The following MPP7 variants were observed in gnomAD, a reference collection of about 807,000 sequenced individuals.
MPP7 encodes MAGUK p55 subfamily member 7.
In MPP7, 60 loss-of-function variants were observed where a neutral mutation model predicts 76.5. The ratio of observed to expected loss-of-function variants is 0.78; its 90% confidence interval spans 0.64 to 0.97. MPP7 has a LOEUF of 0.97. Among genes scored for constraint, MPP7 ranks in the 50% least tolerant of loss-of-function variants. MPP7 has a pLI of 0.00. For missense variants in MPP7, 641 were observed against 694.0 expected (o/e 0.92, Z 0.86); for synonymous variants, 237 against 244.5 (o/e 0.97, Z 0.29).
rs775763967 is a variant in MPP7 at position 28,095,222 on chromosome 10, T to TATATATAC, written c.953-5382_953-5381insGTATATAT. Among the ~76,000 whole-genome samples the TATATATAC allele has an allele frequency of 2.2e-3, 298 of 136,688 alleles. 2 individuals carry two copies. The highest frequency in any genetic ancestry group is 5.4e-3 in the South Asian group (23 of 4,242). 89.7% of individuals were successfully genotyped at this position (136,688 alleles called of 152,430 possible). A position where few individuals can be genotyped will look rare whatever the true frequency, so the allele number is the denominator to read the frequency against. ...ATATATATATATATATATATATATA[T>TATATATAC]ACAGAAACATATATACATGTACAGA... On this transcript the variant is annotated intron_variant, in intron 11 of 16. Transcript: ENST00000683449.
chr10:28,202,352 T>C, intron 2 of MPP7, 81 bp from the exon 3 acceptor site: 1 of 886,014 alleles, frequency 1.1e-6, no homozygotes, highest in Non-Finnish European at 1.8e-6. Flanking sequence ...AAATGACAGC[T>C]GGAACATGCC....
chr10:28,208,068 G>T (rs1838005801), intron 2 of MPP7, among the ~76,000 whole-genome samples: 1 of 152,106 alleles, frequency 6.6e-6, no homozygotes, highest in Non-Finnish European at 1.5e-5. Flanking sequence ...GAATACCTAG[G>T]ACTGAAGGAG....
intron 1 of MPP7, among the ~76,000 whole-genome samples, chr10:28,259,028 G>A (rs938951492): frequency 6.6e-6 from 1 of 152,052 alleles, no homozygotes; most frequent in Admixed American, 6.6e-5. Context: ...CAAACTTACA[G>A]GTGAAACTGC....
At chr10:28,173,059 T>G (rs932803420) in intron 3 of MPP7, among the ~76,000 whole-genome samples, 5 of 152,024 alleles carry the variant, frequency 3.3e-5, no homozygotes, top group African/African-American at 1.2e-4. Flanking sequence ...GATCGACTTT[T>G]AAATAAAATA....
intron 1 of MPP7, among the ~76,000 whole-genome samples, chr10:28,254,616 C>T (rs536913937): frequency 6.6e-6 from 1 of 152,230 alleles, no homozygotes; most frequent in African/African-American, 2.4e-5. Flanking sequence ...GAATTATCTT[C>T]GGTGTAAGTT....
intron 1 of MPP7, among the ~76,000 whole-genome samples, chr10:28,271,663 C>G (rs551950905): frequency 1.1e-4 from 17 of 152,200 alleles, no homozygotes; most frequent in Admixed American, 9.8e-4. Flanking sequence ...CCTTAACATG[C>G]AGTCTAAGGG....
intron 3 of MPP7, among the ~76,000 whole-genome samples, chr10:28,158,977 G>A (rs1027153661): frequency 6.6e-5 from 10 of 152,196 alleles, no homozygotes; most frequent in Admixed American, 4.6e-4. Flanking sequence ...GGTAAAAGGA[G>A]AACACACTAT....
At chr10:28,282,055 A>G (rs1840690431) in intron 1 of MPP7, 1 of 152,064 alleles carries the variant, frequency 6.6e-6, no homozygotes. Flanking sequence ...GAGAAGCTAA[A>G]TTTTGTTCAA....
intron 3 of MPP7, among the ~76,000 whole-genome samples, chr10:28,176,372 A>AAACAC (rs1463367352): frequency 6.6e-6 from 1 of 151,326 alleles, no homozygotes; most frequent in Non-Finnish European, 1.5e-5. Context: ...AAACAAAACA[A>AAACAC]AACACAGGAG....
rs559629613 is a variant in MPP7 at position 28,326,987 on chromosome 10, G to A, written c.-132+2942C>T. Among the ~76,000 whole-genome samples the A allele has an allele frequency of 3.9e-5, 6 of 152,302 alleles. No homozygotes were observed. The East Asian group carries it at 1.2e-3, about 29-fold the overall frequency. ...ATGAACGGTATCAATGACCAGGGAA[G>A]GATATGGTGAGGACGGAGATGCCAG... On this transcript the variant is annotated intron_variant, in intron 2 of 11. Transcript: ENST00000441595.
intron 16 of MPP7, 116 bp downstream of exon 16, chr10:28,056,364 G>T: frequency 9.5e-7 from 1 of 1,057,684 alleles, no homozygotes; most frequent in Non-Finnish European, 1.4e-6. Flanking sequence ...TCACCACCTT[G>T]GCCAGGCTGG....
intron 1 of MPP7, among the ~76,000 whole-genome samples, chr10:28,250,367 T>C (rs1044539736): frequency 2.6e-5 from 4 of 152,202 alleles, no homozygotes; most frequent in Admixed American, 1.3e-4. Context: ...TACTTTTCTA[T>C]ATATCTTGAA....
chr10:28,051,248 A>T lies in MPP7; in HGVS notation c.*2817T>A, dbSNP rs940989434. 1.2e-4 allele frequency: 19 copies of T among 152,220 alleles called. No homozygotes were observed. Among genetic ancestry groups the T allele is most frequent in the African/African-American group, 4.1e-4 (17 of 41,458 alleles). The allele number at this position is 152,220 out of a possible 1,614,324, so 9.4% of individuals were successfully genotyped here. ...TTTATAAATCCTTCCTAGTCAAAAT[A>T]AAATAATAAAAATCTGTATCTTTAG... On this transcript the variant is annotated 3_prime_UTR_variant, in exon 17 of 17. Transcript: ENST00000683449.
chr10:28,184,267 C>T (rs1267609333), intron 3 of MPP7, among the ~76,000 whole-genome samples: 6 of 146,756 alleles, frequency 4.1e-5, no homozygotes, highest in South Asian at 4.3e-4. Flanking sequence ...AGATATATTC[C>T]ATCATGTTAA....
At chr10:28,134,104 C>T (rs1835280276) in intron 5 of MPP7, among the ~76,000 whole-genome samples, 1 of 152,014 alleles carries the variant, frequency 6.6e-6, no homozygotes, top group Admixed American at 6.6e-5. Context: ...ATATAGTAAG[C>T]CCATTCAAAA....
chr10:28,291,723 TAAAAG>T (rs1840925657), intron 1 of MPP7, among the ~76,000 whole-genome samples: 1 of 152,224 alleles, frequency 6.6e-6, no homozygotes, highest in Admixed American at 6.5e-5. Context: ...ATTTTTTTAA[TAAAAG>T]AAAATATATT....
At chr10:28,274,106 T>TTC (rs1215453931) in intron 1 of MPP7, among the ~76,000 whole-genome samples, 3 of 146,230 alleles carry the variant, frequency 2.1e-5, no homozygotes, top group African/African-American at 7.7e-5. Context: ...TTTTTCTTTT[T>TTC]TTTTTTTTTT....
chr10:28,320,979 C>T (rs897455313), intron 2 of MPP7, among the ~76,000 whole-genome samples: 1 of 152,142 alleles, frequency 6.6e-6, no homozygotes, highest in African/African-American at 2.4e-5. Flanking sequence ...ACAGGACATG[C>T]TCAGGCCCCA....
intron 1 of MPP7, among the ~76,000 whole-genome samples, chr10:28,251,230 C>T (rs1314871425): frequency 3.3e-5 from 5 of 152,088 alleles, no homozygotes; most frequent in Admixed American, 2.0e-4. Context: ...TTCGGGAGGC[C>T]GAGGTGGGCA....
Sources: gnomAD v4.1 joint callset for allele counts (sites outside exome capture counted in the v4.1 genomes callset) on GRCh38, gnomAD v4.1.1 for gene constraint, MANE v1.5 for transcripts, NCBI Gene and HGNC (gene_info 2026-07-23, HGNC 2026-07-21) for gene names.